CAPS2: variants seen among roughly 807,000 people sequenced by gnomAD.
CAPS2 encodes the protein calcyphosine 2.
In CAPS2, 98 loss-of-function variants were observed where a neutral mutation model predicts 86.5. The observed-to-expected ratio is 1.13, with a 90% CI of 0.96 to 1.34. The LOEUF is 1.34. Ranked by LOEUF, CAPS2 falls within the 40% of genes most tolerant of loss-of-function variation. CAPS2 has a pLI of 0.00. For synonymous variants in CAPS2, 210 were observed against 225.1 expected (o/e 0.93, Z 0.60); for missense variants, 729 against 686.8 (o/e 1.06, Z -0.69).
upstream of CAPS2, among the ~76,000 whole-genome samples, chr12:75,333,287 CAT>C (rs2041468726): frequency 6.6e-6 from 1 of 151,568 alleles, no homozygotes; most frequent in Non-Finnish European, 1.5e-5. Flanking sequence ...CAGATTTATA[CAT>C]AGAGAGAACT....
At chr12:75,313,588 C>A (rs1393334701) in intron 6 of CAPS2, among the ~76,000 whole-genome samples, 1 of 152,092 alleles carries the variant, frequency 6.6e-6, no homozygotes, top group Non-Finnish European at 1.5e-5. Context: ...TACTGGTAAT[C>A]ATTTAATTCA....
At chr12:75,339,743 C>T (rs2041978696) in intron 1 of CAPS2, among the ~76,000 whole-genome samples, 1 of 152,036 alleles carries the variant, frequency 6.6e-6, no homozygotes, top group Non-Finnish European at 1.5e-5. Context: ...AGTCTTTAAT[C>T]CATCTTGAGC....
Position 75,366,640 on chromosome 12 carries a change from C to T in CAPS2, c.-395+24198G>A, listed in dbSNP as rs530166743. Among the ~76,000 whole-genome samples, 10 of 146,584 alleles carry T rather than the reference C, an allele frequency of 6.8e-5. No homozygotes were observed. The East Asian group carries it at 1.6e-3, about 23-fold the overall frequency. ...GTCTTTCCTCTTCTTCAGATTGTTG[C>T]CTACTTTTTTTTTTTTCTTAAAAGG... On this transcript the variant is annotated intron_variant, in intron 1 of 5. Transcript: ENST00000551829.
Position 75,291,804 on chromosome 12 carries a change from G to A in CAPS2, c.1180C>T (p.Gln394Ter), listed in dbSNP as rs1210561721. 1.3e-6 allele frequency: 2 copies of A among 1,550,826 alleles called. No individual in the cohort carries two copies. The highest frequency in any genetic ancestry group is 1.8e-6 in the Non-Finnish European group (2 of 1,139,142). The stretch of plus-strand genomic sequence containing the variant: ...TCTTGAATGATTATATCATCCTCCT[G>A]TTCCATAGAAGCAGTTCTGCAATTG... Residue 394 changes from glutamine to a stop codon, truncating the protein, a stop_gained, in exon 13 of 17, where the codon CAG becomes TAG. Coordinates refer to ENST00000393284, the Ensembl canonical transcript of CAPS2. LOFTEE classifies it high-confidence loss of function.
intron 1 of CAPS2, among the ~76,000 whole-genome samples, chr12:75,337,366 T>C (rs1487651035): frequency 6.6e-6 from 1 of 151,610 alleles, no homozygotes; most frequent in African/African-American, 2.4e-5. Context: ...AAAAGATTAA[T>C]GAAGAAAGAC....
At chr12:75,379,483 T>A (rs761594444) in intron 1 of CAPS2, among the ~76,000 whole-genome samples, 3 of 152,246 alleles carry the variant, frequency 2.0e-5, no homozygotes, top group African/African-American at 4.8e-5. Flanking sequence ...CTGTCATTGC[T>A]TGAGGTTCCT....
chr12:75,289,396 C>A (rs898450578), intron 14 of CAPS2, among the ~76,000 whole-genome samples: 14 of 152,176 alleles, frequency 9.2e-5, no homozygotes, highest in African/African-American at 3.1e-4. Flanking sequence ...AGAGTATTAT[C>A]TCAGAGCTTA....
intron 1 of CAPS2, among the ~76,000 whole-genome samples, chr12:75,345,617 C>G (rs1050142148): frequency 4.6e-5 from 7 of 152,106 alleles, no homozygotes; most frequent in Admixed American, 4.6e-4. Flanking sequence ...ACAGGTTGTT[C>G]TAAGTCTAGA....
At chr12:75,301,111 C>T (rs2037762099) in intron 8 of CAPS2, among the ~76,000 whole-genome samples, 1 of 152,208 alleles carries the variant, frequency 6.6e-6, no homozygotes, top group African/African-American at 2.4e-5. Context: ...CCAAAACACC[C>T]TACTGCCAAT....
chr12:75,327,443 A>G (rs76444981), upstream of CAPS2, among the ~76,000 whole-genome samples: 5,735 of 152,280 alleles, frequency 0.038, 126 homozygotes, highest in East Asian at 0.053. Context: ...TCAAATGAAT[A>G]TATTTCATTG....
At chr12:75,333,627 C>T (rs1424038878), upstream of CAPS2, among the ~76,000 whole-genome samples, 1 of 152,036 alleles carries the variant, frequency 6.6e-6, no homozygotes, top group African/African-American at 2.4e-5. Context: ...TTGCATTTTT[C>T]GTTTTCTTAT....
intron 13 of CAPS2, among the ~76,000 whole-genome samples, chr12:75,290,970 G>A (rs2035753518): frequency 6.6e-6 from 1 of 150,856 alleles, no homozygotes. Context: ...TAATTTCTGT[G>A]ATTGCTTATT....
chr12:75,324,289 C>A (rs1299248823), intron 2 of CAPS2, among the ~76,000 whole-genome samples: 2 of 152,134 alleles, frequency 1.3e-5, no homozygotes, highest in African/African-American at 4.8e-5. Flanking sequence ...AGAGACAATT[C>A]TGTGAAAATC....
At chr12:75,327,195 T>C (rs1441493019), upstream of CAPS2, among the ~76,000 whole-genome samples, 2 of 152,338 alleles carry the variant, frequency 1.3e-5, no homozygotes, top group Admixed American at 1.3e-4. Context: ...CATCTCCCTC[T>C]TCTCTAATAC....
chr12:75,339,147 T>C (rs981077108), intron 1 of CAPS2, among the ~76,000 whole-genome samples: 11 of 152,216 alleles, frequency 7.2e-5, no homozygotes, highest in Non-Finnish European at 1.2e-4. Context: ...CAAATGGTAT[T>C]TCTGACTCTA....
At chr12:75,370,274 T>C (rs376505592) in intron 1 of CAPS2, 3 of 667,666 alleles carry the variant, frequency 4.5e-6, no homozygotes, top group Non-Finnish European at 5.2e-6. Context: ...TACTGAATCT[T>C]CTACACTCTT....
At chr12:75,319,956 C>G (rs2040141995) in intron 5 of CAPS2, among the ~76,000 whole-genome samples, 1 of 152,146 alleles carries the variant, frequency 6.6e-6, no homozygotes, top group South Asian at 2.1e-4. Context: ...GTAAGTTCCT[C>G]AAACCCCTTA....
intron 9 of CAPS2, 88 bp from the exon 10 acceptor site, chr12:75,299,054 A>G (rs899449206): frequency 9.6e-6 from 8 of 834,802 alleles, no homozygotes; most frequent in Non-Finnish European, 1.5e-5. Flanking sequence ...CAAGAAGGAT[A>G]GCTAACTCTC....
At chr12:75,374,260 A>C (rs1187699086) in intron 1 of CAPS2, among the ~76,000 whole-genome samples, 1 of 152,198 alleles carries the variant, frequency 6.6e-6, no homozygotes, top group East Asian at 1.9e-4. Context: ...CTCCTATTCT[A>C]GACCCACACT....
Sources: gnomAD v4.1 joint callset for allele counts (sites outside exome capture counted in the v4.1 genomes callset) on GRCh38, gnomAD v4.1.1 for gene constraint, MANE v1.5 for transcripts, NCBI Gene and HGNC (gene_info 2026-07-23, HGNC 2026-07-21) for gene names.